ARHGAP21: variants seen among roughly 807,000 people sequenced by gnomAD.
ARHGAP21 encodes the protein Rho GTPase activating protein 21.
In ARHGAP21, 38 loss-of-function variants were observed where a neutral mutation model predicts 164.6. The ratio of observed to expected loss-of-function variants is 0.23; its 90% CI spans 0.18 to 0.30. The LOEUF is 0.30. Ranked by LOEUF, ARHGAP21 falls within the 10% of genes least tolerant of loss-of-function variation. The probability of loss-of-function intolerance (pLI) is 1.00; values close to 1 mark genes in which losing one functional copy is unlikely to be tolerated. For missense variants in ARHGAP21, 1,822 were observed against 2,370.7 expected (o/e 0.77, Z 4.81); for synonymous variants, 766 against 857.9 (o/e 0.89, Z 1.87).
chr10:24,623,322 T>C (rs1834760862), intron 7 of ARHGAP21, among the ~76,000 whole-genome samples: 1 of 152,210 alleles, frequency 6.6e-6, no homozygotes, highest in Non-Finnish European at 1.5e-5. Context: ...TTCAACACTG[T>C]GCCTTTTGTA....
chr10:24,723,064 CG>C (rs1228841881), intron 1 of ARHGAP21: 1 of 151,904 alleles, frequency 6.6e-6, no homozygotes, highest in African/African-American at 2.4e-5. Flanking sequence ...TGAGGCGGGT[CG>C]GGGACCTCGA....
intron 2 of ARHGAP21, among the ~76,000 whole-genome samples, chr10:24,720,038 C>T (rs1195946250): frequency 6.6e-6 from 1 of 152,052 alleles, no homozygotes; most frequent in Non-Finnish European, 1.5e-5. Flanking sequence ...AAGCAAAACA[C>T]AGGTGATATT....
intron 4 of ARHGAP21, among the ~76,000 whole-genome samples, chr10:24,641,292 T>C (rs1836992069): frequency 6.6e-6 from 1 of 152,120 alleles, no homozygotes; most frequent in Non-Finnish European, 1.5e-5. Context: ...ATTAGTCCTT[T>C]GTTTGTTTGT....
At chr10:24,634,325 G>A (rs1037079971) in intron 5 of ARHGAP21, among the ~76,000 whole-genome samples, 1 of 152,008 alleles carries the variant, frequency 6.6e-6, no homozygotes, top group African/African-American at 2.4e-5. Context: ...ATATTTGTAG[G>A]TGAAAATATA....
intron 17 of ARHGAP21, 142 bp downstream of exon 17, chr10:24,596,598 A>G: frequency 8.9e-7 from 1 of 1,120,236 alleles, no homozygotes; most frequent in Non-Finnish European, 1.3e-6. Flanking sequence ...CAGGTCAGAA[A>G]TACTTAGGGA....
chr10:24,699,490 A>G (rs1843454532), intron 2 of ARHGAP21, among the ~76,000 whole-genome samples: 1 of 151,692 alleles, frequency 6.6e-6, no homozygotes, highest in South Asian at 2.1e-4. Context: ...ATGCCCAGCT[A>G]ATTTTTGTAT....
In ARHGAP21 at chr10:24,591,241, G is replaced by T. The variant is rs142827565; in HGVS notation, c.4134C>A (p.Ser1378=). 5.8e-4 allele frequency: 937 copies of T among 1,611,854 alleles called. 1 individual carries two copies. The highest frequency in any genetic ancestry group is 7.5e-4 in the Non-Finnish European group (883 of 1,179,720). Residue 1378 remains serine (S), a synonymous_variant, in exon 24 of 26, where the codon TCC becomes TCA. Coordinates refer to ENST00000396432, the MANE Select transcript of ARHGAP21 (RefSeq NM_020824.4). Reference sequence around the variant, plus strand: ...AAGAGTTACCTGATACATCTCCTGGGGAGACTCCTGTCCTTCCAATGTTGG... The same window carrying T: ...AAGAGTTACCTGATACATCTCCTGGTGAGACTCCTGTCCTTCCAATGTTGG... The part of the protein sequence containing the change: ...LLTNIGRTGV[S]PGDVSDSATS...
chr10:24,607,630 AC>A (rs778754916), intron 10 of ARHGAP21, 29 bp from the exon 11 acceptor site: 5 of 1,612,068 alleles, frequency 3.1e-6, no homozygotes, highest in Non-Finnish European at 4.2e-6. Flanking sequence ...CAATATTTAG[AC>A]ATTCACAAGT....
chr10:24,679,371 G>A (rs1396115019), intron 2 of ARHGAP21, among the ~76,000 whole-genome samples: 1 of 152,144 alleles, frequency 6.6e-6, no homozygotes, highest in Non-Finnish European at 1.5e-5. Context: ...TTTTTTATAG[G>A]GGCATGAATC....
intron 2 of ARHGAP21, among the ~76,000 whole-genome samples, chr10:24,699,676 C>T (rs1027544896): frequency 4.6e-5 from 7 of 152,044 alleles, no homozygotes; most frequent in East Asian, 1.9e-4. Context: ...TTATATCCTT[C>T]GGTAAAGAGA....
chr10:24,643,257 T>C (rs1401365238), intron 4 of ARHGAP21, among the ~76,000 whole-genome samples: 1 of 152,244 alleles, frequency 6.6e-6, no homozygotes, highest in East Asian at 1.9e-4. Context: ...AAAGTTCATG[T>C]AGCATTGTAC....
rs561062253 is a variant in ARHGAP21 at position 24,671,140 on chromosome 10, C to G, written c.64-743G>C. On this transcript the variant is annotated intron_variant, in intron 2 of 25. Coordinates refer to ENST00000396432, the MANE Select transcript of ARHGAP21 (RefSeq NM_020824.4). Reference sequence around the variant, plus strand: ...CCATGTTCTCACTTTCCTCTTAAGCCAGCTTCAATTCACTCCTTTACCCTC... The same window carrying G: ...CCATGTTCTCACTTTCCTCTTAAGCGAGCTTCAATTCACTCCTTTACCCTC... 3.9e-5 allele frequency among the ~76,000 whole-genome samples: 6 copies of G among 152,254 alleles called. No homozygotes were observed. The East Asian group carries it at 1.2e-3, about 29-fold the overall frequency.
intron 2 of ARHGAP21, among the ~76,000 whole-genome samples, chr10:24,700,767 A>C (rs1843601282): frequency 6.6e-6 from 1 of 152,208 alleles, no homozygotes; most frequent in East Asian, 1.9e-4. Flanking sequence ...TTAAAGAAAA[A>C]CAAATTAAGT....
intron 4 of ARHGAP21, among the ~76,000 whole-genome samples, chr10:24,657,991 ATTGTCCC>A (rs1165013100): frequency 2.8e-5 from 4 of 141,312 alleles, no homozygotes; most frequent in African/African-American, 1.1e-4. Context: ...TCCCTCCACT[ATTGTCCC>A]ATGACCCTGC....
chr10:24,714,763 G>A (rs370463325), intron 2 of ARHGAP21, among the ~76,000 whole-genome samples: 5 of 151,980 alleles, frequency 3.3e-5, no homozygotes, highest in African/African-American at 9.7e-5. Flanking sequence ...GGCCGGGCAC[G>A]GTGGTTCACG....
intron 4 of ARHGAP21, among the ~76,000 whole-genome samples, chr10:24,652,026 A>G (rs1212816164): frequency 6.6e-6 from 1 of 152,234 alleles, no homozygotes; most frequent in Non-Finnish European, 1.5e-5. Flanking sequence ...CTTTTTCTGT[A>G]AAGAGCCAGA....
rs116692193 is a variant in ARHGAP21, at chr10:24,609,663, G to A, written c.2423-1760C>T. Among the ~76,000 whole-genome samples the A allele has an allele frequency of 3.3e-3, 497 of 152,086 alleles. 3 individuals are homozygous for A. Among genetic ancestry groups the A allele is most frequent in the African/African-American group, 0.011 (454 of 41,506 alleles). ...TTGAAAATATAAAGACTTTTCTACC[G>A]GTTTAAAAATACTGTGTTCGTTAGG... On this transcript the variant is annotated intron_variant, in intron 9 of 25. Transcript: ENST00000396432.
chr10:24,599,549 A>C (rs972643144), intron 14 of ARHGAP21, among the ~76,000 whole-genome samples: 1 of 152,232 alleles, frequency 6.6e-6, no homozygotes, highest in Admixed American at 6.5e-5. Context: ...CATAATTTGC[A>C]TAAGTTTACA....
chr10:24,654,048 C>T (rs940590987), intron 4 of ARHGAP21, among the ~76,000 whole-genome samples: 4 of 152,104 alleles, frequency 2.6e-5, no homozygotes, highest in Non-Finnish European at 5.9e-5. Flanking sequence ...TCAACAGATG[C>T]AGAAAAGGCC....
Sources: allele counts gnomAD v4.1 joint callset (sites outside exome capture counted in the v4.1 genomes callset), GRCh38; gene constraint gnomAD v4.1.1; transcripts MANE v1.5; gene names NCBI Gene and HGNC (gene_info 2026-07-23, HGNC 2026-07-21).